The following NEK7 variants were observed in gnomAD, a reference collection of about 807,000 sequenced individuals.
NEK7 encodes the protein NIMA related kinase 7.
NEK7 carries 18 observed loss-of-function variants against 44.6 expected under a neutral mutation model. The ratio of observed to expected loss-of-function variants is 0.40; its 90% confidence interval spans 0.28 to 0.60. NEK7 has a LOEUF of 0.60. NEK7 is among the 20% of genes least tolerant of loss of function. The probability of loss-of-function intolerance (pLI) is 0.38; values close to 1 mark genes in which losing one functional copy is unlikely to be tolerated. For synonymous variants in NEK7, 130 were observed against 121.1 expected (o/e 1.07, Z -0.48); for missense variants, 256 against 366.5 (o/e 0.70, Z 2.46).
rs1491101432 is a variant in NEK7 at position 198,252,568 on chromosome 1, A to ATATATATATAT, written c.58-472_58-471insTATATATATAT. 3.3e-3 allele frequency among the ~76,000 whole-genome samples: 207 copies of ATATATATATAT among 63,240 alleles called. 20 individuals are homozygous for ATATATATATAT. Among genetic ancestry groups the ATATATATATAT allele is most frequent in the African/African-American group, 7.6e-3 (115 of 15,158 alleles). The allele number at this position is 63,240 out of a possible 152,430, so 41.5% of individuals were successfully genotyped here. A position where few individuals can be genotyped will look rare whatever the true frequency, so the allele number is the denominator to read the frequency against. ...TATATATATATATATATATATATAT[A>ATATATATATAT]AAAAGTACATATATACACATATATA... On this transcript the variant is annotated intron_variant, in intron 2 of 9. Coordinates refer to ENST00000367385, the MANE Select transcript of NEK7 (RefSeq NM_133494.3).
At chr1:198,305,778 A>T (rs12407433) in intron 9 of NEK7, among the ~76,000 whole-genome samples, 12,547 of 152,184 alleles carry the variant, frequency 0.082, 680 homozygotes, top group East Asian at 0.17. Context: ...GGTTTGTTTT[A>T]TGATCAGAAT....
At chr1:198,199,211 A>G (rs1034778409) in intron 1 of NEK7, among the ~76,000 whole-genome samples, 1 of 152,246 alleles carries the variant, frequency 6.6e-6, no homozygotes, top group African/African-American at 2.4e-5. Context: ...CTGAACTGCA[A>G]TATGGTTGCA....
rs1654105056 is a variant in NEK7, at chr1:198,278,943, T to C, written c.482-11T>C. On this transcript the variant is annotated splice_polypyrimidine_tract_variant and intron_variant, in intron 6 of 9. Coordinates refer to ENST00000367385, the MANE Select transcript of NEK7 (RefSeq NM_133494.3). ...TATCATCTTTTACCTGATCCCTTCA[T>C]TTATTCACAGATATAAAACCAGCTA... 2 of 1,467,296 alleles carry C rather than the reference T, an allele frequency of 1.4e-6. No individual in the cohort carries two copies. Among genetic ancestry groups the C allele is most frequent in the Middle Eastern group, 1.7e-4 (1 of 5,716 alleles). 90.9% of individuals were successfully genotyped at this position (1,467,296 alleles called of 1,614,324 possible). A position where few individuals can be genotyped will look rare whatever the true frequency, so the allele number is the denominator to read the frequency against.
At chr1:198,219,427 A>G (rs1203666552) in intron 1 of NEK7, among the ~76,000 whole-genome samples, 1 of 151,738 alleles carries the variant, frequency 6.6e-6, no homozygotes, top group African/African-American at 2.4e-5. Flanking sequence ...ATTGGAGGGC[A>G]TTATTCTAAA....
intron 8 of NEK7, among the ~76,000 whole-genome samples, chr1:198,294,548 A>G (rs1654655560): frequency 1.3e-5 from 2 of 152,132 alleles, no homozygotes; most frequent in Admixed American, 1.3e-4. Context: ...GCAATAAAAA[A>G]GAAAAAGTTC....
At chr1:198,266,883 A>G (rs943866857) in intron 5 of NEK7, among the ~76,000 whole-genome samples, 6 of 152,010 alleles carry the variant, frequency 3.9e-5, no homozygotes, top group Admixed American at 3.9e-4. Flanking sequence ...GCCCCCTTGC[A>G]TCATACAAAT....
chr1:198,205,512 C>T (rs1665568251), intron 1 of NEK7, among the ~76,000 whole-genome samples: 2 of 152,118 alleles, frequency 1.3e-5, no homozygotes. Flanking sequence ...GATAGCCAAG[C>T]AGGGGTGTGA....
intron 3 of NEK7, among the ~76,000 whole-genome samples, chr1:198,256,992 A>C (rs186202918): frequency 6.6e-6 from 1 of 152,112 alleles, no homozygotes; most frequent in South Asian, 2.1e-4. Flanking sequence ...TTTGGGTCTC[A>C]CTGTTTCTTA....
At chr1:198,200,921 T>G (rs766381028) in intron 1 of NEK7, among the ~76,000 whole-genome samples, 14 of 152,336 alleles carry the variant, frequency 9.2e-5, no homozygotes, top group South Asian at 4.1e-4. Flanking sequence ...GCTTTGCTTT[T>G]TATCCTGTTA....
At chr1:198,178,340 A>G (rs1388587246) in intron 1 of NEK7, among the ~76,000 whole-genome samples, 1 of 152,000 alleles carries the variant, frequency 6.6e-6, no homozygotes, top group African/African-American at 2.4e-5. Context: ...AACGTTTTTT[A>G]CTTTTAAATC....
chr1:198,216,056 C>T (rs549736891), intron 1 of NEK7, among the ~76,000 whole-genome samples: 1 of 152,026 alleles, frequency 6.6e-6, no homozygotes, highest in African/African-American at 2.4e-5. Flanking sequence ...AACAAATGAA[C>T]CTGCACCGTA....
At chr1:198,211,415 C>G (rs1203154615) in intron 1 of NEK7, among the ~76,000 whole-genome samples, 3 of 152,210 alleles carry the variant, frequency 2.0e-5, no homozygotes, top group East Asian at 3.8e-4. Context: ...ATTACACTCA[C>G]AGATTACATA....
Position 198,262,578 on chromosome 1 carries a change from T to C in NEK7, c.202T>C (p.Phe68Leu). Residue 68 changes from phenylalanine (F) to leucine (L), a missense_variant, in exon 4 of 10, where the codon TTT becomes CTT. By Grantham distance (22) the Phe-to-Leu change is conservative (BLOSUM62 0). Transcript: ENST00000367385. Reference protein sequence around the residue: ...VPVALKKVQIFDLMDAKARAD... With the variant: ...VPVALKKVQILDLMDAKARAD... ...TAATTCTGGGTTCTGTTTTTAGATA[T>C]TTGATTTAATGGATGCCAAAGCACG... The C allele has an allele frequency of 6.3e-7, 1 of 1,583,022 alleles. No homozygotes were observed. Among genetic ancestry groups the C allele is most frequent in the Middle Eastern group, 1.7e-4 (1 of 5,890 alleles).
chr1:198,173,676 C>CAGA (rs35872725), intron 1 of NEK7, among the ~76,000 whole-genome samples: 71,735 of 151,482 alleles, frequency 0.47, 18,354 homozygotes, highest in East Asian at 0.89. Flanking sequence ...TTCACAGATT[C>CAGA]AGGTTTCTGA....
chr1:198,206,570 G>A (rs888741963), intron 1 of NEK7, among the ~76,000 whole-genome samples: 1 of 151,952 alleles, frequency 6.6e-6, no homozygotes, highest in African/African-American at 2.4e-5. Context: ...AGTGACACAT[G>A]CCTGCATTCT....
intron 1 of NEK7, among the ~76,000 whole-genome samples, chr1:198,204,960 A>G (rs1665551711): frequency 6.6e-6 from 1 of 152,156 alleles, no homozygotes; most frequent in Non-Finnish European, 1.5e-5. Flanking sequence ...AAAATGTAAC[A>G]TATAATAACA....
At chr1:198,292,913 C>A (rs763727471) in intron 7 of NEK7, 32 bp from the exon 8 acceptor site, 1 of 1,126,576 alleles carries the variant, frequency 8.9e-7, no homozygotes, top group Non-Finnish European at 1.4e-6. Flanking sequence ...TTTTTATATA[C>A]CTCTTACTTT....
intron 8 of NEK7, among the ~76,000 whole-genome samples, chr1:198,295,189 A>G (rs1472062868): frequency 6.6e-6 from 1 of 152,006 alleles, no homozygotes; most frequent in East Asian, 1.9e-4. Context: ...ACGGACCTTT[A>G]CATGGAAAAG....
intron 1 of NEK7, among the ~76,000 whole-genome samples, chr1:198,187,085 A>G (rs1253709074): frequency 6.6e-6 from 1 of 152,172 alleles, no homozygotes; most frequent in African/African-American, 2.4e-5. Context: ...AAAGTTAAGG[A>G]TAGATTTCTG....
Sources: gnomAD v4.1 joint callset for allele counts (sites outside exome capture counted in the v4.1 genomes callset) on GRCh38, gnomAD v4.1.1 for gene constraint, MANE v1.5 for transcripts, NCBI Gene and HGNC (gene_info 2026-07-23, HGNC 2026-07-21) for gene names.